Variants in EGFLAM observed in about 807,000 individuals in gnomAD.
The protein encoded by EGFLAM is EGF like, fibronectin type III and laminin G domains.
Under a neutral mutation model 113.1 loss-of-function variants are expected in EGFLAM, and 79 were observed. That is an observed-to-expected ratio of 0.70 (90% CI 0.58 to 0.84). The LOEUF (loss-of-function observed/expected upper bound fraction) is 0.84, where lower values mean the gene tolerates loss of function less well. Among genes scored for constraint, EGFLAM ranks in the 40% least tolerant of loss-of-function variants. EGFLAM has a pLI of 0.00. For synonymous variants in EGFLAM, 504 were observed against 487.6 expected (o/e 1.03, Z -0.44); for missense variants, 1,265 against 1,291.6 (o/e 0.98, Z 0.32).
chr5:38,419,007 G>C (rs1561081302), intron 12 of EGFLAM, among the ~76,000 whole-genome samples: 1 of 152,180 alleles, frequency 6.6e-6, no homozygotes, highest in Non-Finnish European at 1.5e-5. Flanking sequence ...GGAAGTCCCA[G>C]ATCAAGGTGC....
intron 5 of EGFLAM, among the ~76,000 whole-genome samples, chr5:38,364,755 A>G (rs1404753770): frequency 6.6e-6 from 1 of 152,198 alleles, no homozygotes. Context: ...CTGGAAGGTG[A>G]TCTAATCAGT....
At chr5:38,266,576 T>G (rs937228694) in intron 1 of EGFLAM, among the ~76,000 whole-genome samples, 6 of 152,242 alleles carry the variant, frequency 3.9e-5, no homozygotes, top group African/African-American at 1.4e-4. Flanking sequence ...GTACTTTTAT[T>G]CTTTTCTATA....
rs1026686473 is a variant in EGFLAM at position 38,405,458 on chromosome 5, AT to A, written c.713-660del. Among the ~76,000 whole-genome samples the A allele has an allele frequency of 6.1e-4, 92 of 151,928 alleles. 1 individual carries two copies. The highest frequency in any genetic ancestry group is 2.2e-3 in the African/African-American group (91 of 41,476). On this transcript the variant is annotated intron_variant, in intron 6 of 21. Coordinates refer to ENST00000322350, the MANE Select transcript of EGFLAM (RefSeq NM_152403.4). Reference sequence around the variant, plus strand: ...CTAGATGCATTCTTTTGCAACTTGCATTTTTTTTGTATGAAGTCATGTGAGA... The same window carrying A: ...CTAGATGCATTCTTTTGCAACTTGCATTTTTTTGTATGAAGTCATGTGAGA...
intron 6 of EGFLAM, among the ~76,000 whole-genome samples, chr5:38,381,928 G>A (rs950916482): frequency 6.6e-6 from 1 of 152,128 alleles, no homozygotes. Flanking sequence ...CTAAAGATTC[G>A]ATTCCTCAAG....
chr5:38,351,083 A>G (rs913769832), intron 4 of EGFLAM, among the ~76,000 whole-genome samples: 1 of 151,658 alleles, frequency 6.6e-6, no homozygotes. Context: ...GGAGAAGCCA[A>G]TGACAAATGA....
intron 1 of EGFLAM, among the ~76,000 whole-genome samples, chr5:38,297,693 C>T (rs896919652): frequency 1.3e-5 from 2 of 152,168 alleles, no homozygotes; most frequent in Admixed American, 6.5e-5. Flanking sequence ...TCACACTTCT[C>T]AGGCAAAAAG....
intron 18 of EGFLAM, 112 bp from the exon 19 acceptor site, chr5:38,451,203 G>A: frequency 7.0e-7 from 1 of 1,428,596 alleles, no homozygotes; most frequent in East Asian, 2.3e-5. Context: ...GTGTCAGAAA[G>A]TGCCAGACTA....
chr5:38,374,897 T>C (rs574375138), intron 6 of EGFLAM, among the ~76,000 whole-genome samples: 3 of 152,328 alleles, frequency 2.0e-5, no homozygotes, highest in Non-Finnish European at 4.4e-5. Flanking sequence ...TCCTCTGTCA[T>C]AATTTTTGCA....
chr5:38,459,171 G>A (rs897477317), intron 20 of EGFLAM, among the ~76,000 whole-genome samples: 9 of 152,008 alleles, frequency 5.9e-5, no homozygotes, highest in African/African-American at 2.4e-5. Context: ...CTCTTGAGTA[G>A]CTGGGACCAC....
At chr5:38,300,874 G>A (rs542794810) in intron 1 of EGFLAM, among the ~76,000 whole-genome samples, 14 of 152,286 alleles carry the variant, frequency 9.2e-5, no homozygotes, top group African/African-American at 3.1e-4. Context: ...AGAATTTCCT[G>A]ACCCTGTGGA....
intron 1 of EGFLAM, among the ~76,000 whole-genome samples, chr5:38,270,508 G>A (rs1404543653): frequency 6.6e-6 from 1 of 151,410 alleles, no homozygotes; most frequent in Non-Finnish European, 1.5e-5. Flanking sequence ...AAAACAACAA[G>A]CATTCATTTG....
At chr5:38,376,807 A>C (rs1740376288) in intron 6 of EGFLAM, among the ~76,000 whole-genome samples, 1 of 152,002 alleles carries the variant, frequency 6.6e-6, no homozygotes, top group South Asian at 2.1e-4. Context: ...AGTAGCTGGG[A>C]CTATAGGCAC....
At chr5:38,398,036 C>A (rs750592735) in intron 6 of EGFLAM, among the ~76,000 whole-genome samples, 2 of 152,138 alleles carry the variant, frequency 1.3e-5, no homozygotes, top group African/African-American at 4.8e-5. Flanking sequence ...TTACTTAAAG[C>A]GTATAACCCA....
chr5:38,264,324 C>T (rs908146079), intron 1 of EGFLAM, among the ~76,000 whole-genome samples: 1 of 152,116 alleles, frequency 6.6e-6, no homozygotes, highest in Non-Finnish European at 1.5e-5. Context: ...ATCCTTAGCA[C>T]GATGCAGCTC....
At chr5:38,370,264 T>G (rs371558599) in intron 5 of EGFLAM, 32 bp from the exon 6 acceptor site, 1 of 1,602,680 alleles carries the variant, frequency 6.2e-7, no homozygotes, top group Non-Finnish European at 8.5e-7. Flanking sequence ...ATTTCTGAAC[T>G]ACTGCTTCTT....
At chr5:38,438,564 T>G (rs1742435207) in intron 17 of EGFLAM, 109 bp downstream of exon 17, 1 of 1,091,448 alleles carries the variant, frequency 9.2e-7, no homozygotes, top group African/African-American at 1.6e-5. Context: ...GGTACAACCA[T>G]AGTGGTTATT....
Position 38,458,351 on chromosome 5 carries a change from G to A in EGFLAM, c.2728G>A (p.Gly910Ser). The change falls in exon 20 of 22, where the codon GGC becomes AGC. Residue 910 changes from glycine (G) to serine (S), a missense_variant. Transcript: ENST00000322350. ...TGGTGTGGCATCCATCATGGTGAAT[G>A]GCTCCTTCAACGATGGTCGGTGGCA... Reference protein sequence around the residue: ...GSGVASIMVNGSFNDGRWHRV... With the variant: ...GSGVASIMVNSSFNDGRWHRV... 6.2e-7 allele frequency: 1 copy of A among 1,614,044 alleles called. No homozygotes were observed. Among genetic ancestry groups the A allele is most frequent in the Non-Finnish European group, 8.5e-7 (1 of 1,179,988 alleles).
chr5:38,350,474 G>A (rs371036471), intron 3 of EGFLAM, 27 bp from the exon 4 acceptor site: 88 of 1,603,432 alleles, frequency 5.5e-5, no homozygotes, highest in African/African-American at 1.3e-5. Context: ...CTGATTGTTA[G>A]CATCTTTCTT....
Position 38,258,916 on chromosome 5 carries a change from A to T in EGFLAM, c.97+65A>T, listed in dbSNP as rs896175783. 1.3e-5 allele frequency: 19 copies of T among 1,515,676 alleles called. No homozygotes were observed. In the African/African-American group the frequency reaches 2.4e-4, roughly 19 times the overall value. The allele number at this position is 1,515,676 out of a possible 1,614,324, so 93.9% of individuals were successfully genotyped here. A position where few individuals can be genotyped will look rare whatever the true frequency, so the allele number is the denominator to read the frequency against. On this transcript the variant is annotated intron_variant, in intron 1 of 21. Coordinates refer to ENST00000322350, the MANE Select transcript of EGFLAM (RefSeq NM_152403.4). ...GCCCCTGCTGGGCTCCGGGGCGAGG[A>T]CACAGAGCGGGCAGCGCACCGCCTC...
Sources: allele counts gnomAD v4.1 joint callset (sites outside exome capture counted in the v4.1 genomes callset), GRCh38; gene constraint gnomAD v4.1.1; transcripts MANE v1.5; gene names NCBI Gene and HGNC (gene_info 2026-07-23, HGNC 2026-07-21).